Variants in SMUG1 observed in about 807,000 individuals in gnomAD.
The protein encoded by SMUG1 is single-strand selective monofunctional uracil DNA glycosylase.
SMUG1 carries 13 observed loss-of-function variants against 23.9 expected under a neutral mutation model. That is an observed-to-expected ratio of 0.54 (90% CI 0.35 to 0.86). The LOEUF is 0.86. Ranked by LOEUF, SMUG1 falls within the 40% of genes least tolerant of loss-of-function variation. SMUG1 has a pLI of 0.01. For missense variants in SMUG1, 313 were observed against 339.5 expected, an observed-to-expected ratio of 0.92 and a Z score of 0.61; for synonymous variants, 133 against 139.8, an observed-to-expected ratio of 0.95 and a Z score of 0.34.
chr12:54,162,507 A>G (rs1306647475), downstream of SMUG1: 3 of 152,202 alleles, frequency 2.0e-5, no homozygotes, highest in African/African-American at 7.2e-5. Flanking sequence ...TCCCACATGT[A>G]TGGGATGGGT....
Position 54,181,733 on chromosome 12 carries a change from C to T in SMUG1, c.*363G>A, listed in dbSNP as rs944077113. On this transcript the variant is annotated 3_prime_UTR_variant, in exon 4 of 4. Coordinates refer to ENST00000682136, the MANE Select transcript of SMUG1 (RefSeq NM_001243787.2). Reference sequence around the variant, plus strand: ...AAGATATTTCCTCTGAAATAGTAAACGTGACCTTAGAAGTTACTGTCTAGG... The same window carrying T: ...AAGATATTTCCTCTGAAATAGTAAATGTGACCTTAGAAGTTACTGTCTAGG... The T allele has an allele frequency of 5.9e-6, 9 of 1,516,012 alleles. No individual in the cohort carries two copies. The highest frequency in any genetic ancestry group is 3.7e-5 in the South Asian group (3 of 80,210). The allele number at this position is 1,516,012 out of a possible 1,614,324, so 93.9% of individuals were successfully genotyped here.
At chr12:54,166,053 G>C (rs1174850956) in intron 3 of SMUG1, among the ~76,000 whole-genome samples, 2 of 152,220 alleles carry the variant, frequency 1.3e-5, no homozygotes, top group Non-Finnish European at 2.9e-5. Flanking sequence ...GAGCTTCAGA[G>C]CAGTGAGGAA....
At chr12:54,166,254 G>A (rs984209800) in intron 3 of SMUG1, among the ~76,000 whole-genome samples, 3 of 152,174 alleles carry the variant, frequency 2.0e-5, no homozygotes, top group South Asian at 2.1e-4. Context: ...CCAGCTACTC[G>A]GGAGGCTGAG....
chr12:54,163,607 G>A (rs1012670603), downstream of SMUG1, among the ~76,000 whole-genome samples: 7 of 152,078 alleles, frequency 4.6e-5, no homozygotes, highest in African/African-American at 1.7e-4. Context: ...GAAAGGAGGA[G>A]GGCTATGTTA....
chr12:54,179,936 A>C (rs1221391848), downstream of SMUG1, among the ~76,000 whole-genome samples: 1 of 152,266 alleles, frequency 6.6e-6, no homozygotes, highest in Non-Finnish European at 1.5e-5. Context: ...TCATAGAAAC[A>C]GGATACCAAT....
At chr12:54,158,613 G>A (rs543132846) in intron 4 of SMUG1, among the ~76,000 whole-genome samples, 1 of 152,076 alleles carries the variant, frequency 6.6e-6, no homozygotes, top group Admixed American at 6.5e-5. Context: ...TTACAATCCT[G>A]GGGTCTTCCT....
At chr12:54,185,202 G>A (rs1303613909) in intron 2 of SMUG1, among the ~76,000 whole-genome samples, 1 of 152,088 alleles carries the variant, frequency 6.6e-6, no homozygotes, top group African/African-American at 2.4e-5. Context: ...CGGCTACTCT[G>A]GAGGCTGAGG....
chr12:54,183,537 G>A, intron 3 of SMUG1, 119 bp downstream of exon 3: 1 of 996,042 alleles, frequency 1.0e-6, no homozygotes, highest in South Asian at 1.4e-5. Context: ...GAGACAGAAT[G>A]GGGCGGGAGG....
At chr12:54,166,548 C>T (rs1387067770) in intron 3 of SMUG1, among the ~76,000 whole-genome samples, 2 of 152,162 alleles carry the variant, frequency 1.3e-5, no homozygotes, top group Non-Finnish European at 2.9e-5. Context: ...GGGACTAAGT[C>T]CCTGCCAGCC....
At chr12:54,187,151 TG>T (rs1942658430) in intron 2 of SMUG1, 1 of 152,302 alleles carries the variant, frequency 6.6e-6, no homozygotes, top group Admixed American at 6.5e-5. Flanking sequence ...TCTGGGTCTG[TG>T]CCCATCATAT....
chr12:54,159,801 G>C (rs1008526310), downstream of SMUG1, among the ~76,000 whole-genome samples: 4 of 152,210 alleles, frequency 2.6e-5, no homozygotes, highest in Non-Finnish European at 4.4e-5. Context: ...TGAGTGTGAA[G>C]GAGCATGTGC....
chr12:54,158,792 C>T (rs575237760), intron 4 of SMUG1, among the ~76,000 whole-genome samples: 1 of 152,016 alleles, frequency 6.6e-6, no homozygotes, highest in Non-Finnish European at 1.5e-5. Context: ...CTATTTGCCA[C>T]GAGCCACCCA....
chr12:54,171,871 C>T (rs1183551010), intron 3 of SMUG1, among the ~76,000 whole-genome samples: 4 of 152,014 alleles, frequency 2.6e-5, no homozygotes, highest in East Asian at 1.9e-4. Context: ...TGTGGTCACT[C>T]GGGCCAAAAA....
Position 54,159,436 on chromosome 12 carries a change from T to C in SMUG1, n.687+5938A>G, listed in dbSNP as rs542445786. Reference sequence around the variant, plus strand: ...AGGGCTGTCGGGGACAACCTGAGAATGACCTTGTGGGGACTTCAGCACCCC... The same window carrying C: ...AGGGCTGTCGGGGACAACCTGAGAACGACCTTGTGGGGACTTCAGCACCCC... On this transcript the variant is annotated intron_variant and non_coding_transcript_variant, in intron 4 of 5. Coordinates refer to the SMUG1 transcript ENST00000634429. Among the ~76,000 whole-genome samples the C allele has an allele frequency of 5.3e-5, 8 of 152,258 alleles. No homozygotes were observed. In the South Asian group the frequency reaches 1.7e-3, roughly 32 times the overall value.
intron 2 of SMUG1, chr12:54,187,256 T>C (rs926710832): frequency 5.3e-5 from 8 of 152,198 alleles, no homozygotes; most frequent in African/African-American, 1.9e-4. Flanking sequence ...GAACTCAAGG[T>C]TGACACAACA....
chr12:54,175,808 A>C (rs7133717), downstream of SMUG1, among the ~76,000 whole-genome samples: 109,107 of 152,154 alleles, frequency 0.72, 39,697 homozygotes, highest in African/African-American at 0.84. Context: ...TGACACACAC[A>C]CAGCAGACAT....
intron 2 of SMUG1, chr12:54,172,285 A>G (rs1940641486): frequency 2.0e-5 from 7 of 350,472 alleles, no homozygotes; most frequent in Non-Finnish European, 1.8e-5. Flanking sequence ...TGCTTCAGCC[A>G]TATCAGCCTC....
chr12:54,182,265 C>T lies in SMUG1; in HGVS notation c.644G>A (p.Arg215Gln), dbSNP rs576072443. 14 of 1,611,756 alleles carry T rather than the reference C, an allele frequency of 8.7e-6. No individual in the cohort carries two copies. Among genetic ancestry groups the T allele is most frequent in the African/African-American group, 4.0e-5 (3 of 75,008 alleles). Reference protein sequence around the residue: ...LGVRLVVGVGRLAEQRARRAL... With the variant: ...LGVRLVVGVGQLAEQRARRAL... ...CCGTCGTGCCCGCTGCTCTGCCAGT[C>T]GCCCAACTCCCACCACCAGCCGCAC... Residue 215 changes from arginine to glutamine, a missense_variant, in exon 4 of 4, where the codon CGA (arginine) becomes CAA (glutamine). Transcript: ENST00000682136.
downstream of SMUG1, among the ~76,000 whole-genome samples, chr12:54,160,957 G>A: frequency 6.6e-6 from 1 of 152,158 alleles, no homozygotes; most frequent in Non-Finnish European, 1.5e-5. Context: ...ACTCATGCAT[G>A]CCCTCAGAAA....
Sources: gnomAD v4.1 joint callset for allele counts (sites outside exome capture counted in the v4.1 genomes callset) on GRCh38, gnomAD v4.1.1 for gene constraint, MANE v1.5 for transcripts, NCBI Gene and HGNC (gene_info 2026-07-23, HGNC 2026-07-21) for gene names.